The following CHMP3 variants were observed in gnomAD, a reference collection of about 807,000 sequenced individuals.
The protein encoded by CHMP3 is 25.1 protein.
Under a neutral mutation model 27.4 loss-of-function variants are expected in CHMP3, and 8 were observed. That is an observed-to-expected ratio of 0.29 (90% confidence interval 0.17 to 0.53). CHMP3 has a LOEUF of 0.53. CHMP3 is among the 20% of genes least tolerant of loss of function. CHMP3 has a pLI of 0.96. For missense variants in CHMP3, 208 were observed against 271.5 expected, an observed-to-expected ratio of 0.77 and a Z score of 1.64; for synonymous variants, 86 against 85.5, an observed-to-expected ratio of 1.01 and a Z score of -0.03.
rs922526477 is a variant in CHMP3, at chr2:86,505,706, C to T, written c.*98G>A. On this transcript the variant is annotated 3_prime_UTR_variant, in exon 6 of 6. Coordinates refer to ENST00000263856, the MANE Select transcript of CHMP3 (RefSeq NM_016079.4). ...GAAAAGAGACAAACAGAACCTTCTC[C>T]AAAATGGTAGTCCTCACAACAGAGG... The T allele has an allele frequency of 1.5e-6, 2 of 1,324,366 alleles. No homozygotes were observed. The highest frequency in any genetic ancestry group is 3.0e-4 in the Middle Eastern group (1 of 3,378). 82.0% of individuals were successfully genotyped at this position (1,324,366 alleles called of 1,614,324 possible).
intron 3 of CHMP3, among the ~76,000 whole-genome samples, chr2:86,513,740 C>A (rs1015117): frequency 0.39 from 59,422 of 152,128 alleles, 13,589 homozygotes; most frequent in East Asian, 0.75. Flanking sequence ...CGTCTGCATT[C>A]AAGATTGCCA....
At chr2:86,522,009 C>A (rs1012132328) in intron 3 of CHMP3, among the ~76,000 whole-genome samples, 1 of 152,166 alleles carries the variant, frequency 6.6e-6, no homozygotes, top group Non-Finnish European at 1.5e-5. Flanking sequence ...TGAACCTCTC[C>A]CTTAACCCTC....
chr2:86,553,381 G>T (rs1440985654), intron 1 of CHMP3, among the ~76,000 whole-genome samples: 1 of 152,058 alleles, frequency 6.6e-6, no homozygotes, highest in Non-Finnish European at 1.5e-5. Flanking sequence ...CGCCAGCCTG[G>T]AGTGCAGTGG....
intron 2 of CHMP3, among the ~76,000 whole-genome samples, chr2:86,535,219 C>T (rs1048370544): frequency 2.0e-5 from 3 of 148,008 alleles, no homozygotes; most frequent in Non-Finnish European, 3.0e-5. Context: ...CACGACGCTG[C>T]ACTCCAGCCT....
chr2:86,513,820 C>A (rs564115313), intron 3 of CHMP3, among the ~76,000 whole-genome samples: 10 of 152,328 alleles, frequency 6.6e-5, no homozygotes, highest in African/African-American at 2.4e-4. Flanking sequence ...CCAGAATCTA[C>A]AAAACCAACC....
At chr2:86,525,471 T>C (rs1016144555) in intron 3 of CHMP3, among the ~76,000 whole-genome samples, 1 of 151,130 alleles carries the variant, frequency 6.6e-6, no homozygotes, top group East Asian at 1.9e-4. Flanking sequence ...CTACTGAGGT[T>C]GCAGTGAGCC....
chr2:86,544,376 T>C (rs1217437321), intron 1 of CHMP3, among the ~76,000 whole-genome samples: 4 of 151,734 alleles, frequency 2.6e-5, no homozygotes, highest in African/African-American at 9.7e-5. Context: ...TGATCATTCT[T>C]GGGTGTTTCT....
chr2:86,529,156 C>T (rs1245718251), intron 3 of CHMP3, 62 bp downstream of exon 3: 3 of 1,425,920 alleles, frequency 2.1e-6, no homozygotes, highest in South Asian at 1.7e-5. Flanking sequence ...TCAAGGAACC[C>T]GTGTTGATAA....
intron 1 of CHMP3, among the ~76,000 whole-genome samples, chr2:86,544,920 GGGGC>G (rs1348155943): frequency 2.0e-5 from 3 of 147,792 alleles, no homozygotes; most frequent in African/African-American, 2.5e-5. Flanking sequence ...CTTCCCAGAC[GGGGC>G]AGCCGGGCAG....
chr2:86,550,089 T>C (rs370041649), intron 1 of CHMP3, among the ~76,000 whole-genome samples: 14 of 151,126 alleles, frequency 9.3e-5, no homozygotes, highest in African/African-American at 2.4e-4. Context: ...CTGGGCAACA[T>C]TGAGCATTGA....
intron 3 of CHMP3, among the ~76,000 whole-genome samples, chr2:86,518,077 T>C (rs917717254): frequency 6.6e-6 from 1 of 152,132 alleles, no homozygotes; most frequent in Non-Finnish European, 1.5e-5. Context: ...AAAAGCCAAC[T>C]TAAAACAGGC....
chr2:86,545,583 C>T (rs1293846452), intron 1 of CHMP3, among the ~76,000 whole-genome samples: 3 of 74,346 alleles, frequency 4.0e-5, no homozygotes, highest in Non-Finnish European at 5.4e-5. Flanking sequence ...CCAGACGGGG[C>T]GACTGCCGGG....
intron 2 of CHMP3, among the ~76,000 whole-genome samples, chr2:86,535,518 TTC>T (rs541573273): frequency 8.3e-4 from 126 of 152,292 alleles, no homozygotes; most frequent in East Asian, 8.1e-3. Flanking sequence ...CTGCATGAGC[TTC>T]TCTTTTTGAG....
chr2:86,549,509 T>C (rs1573297418), intron 1 of CHMP3, among the ~76,000 whole-genome samples: 1 of 134,886 alleles, frequency 7.4e-6, no homozygotes, highest in Non-Finnish European at 1.6e-5. Context: ...GAGGCGCTCC[T>C]CACTTCCCAG....
intron 1 of CHMP3, among the ~76,000 whole-genome samples, chr2:86,561,217 C>A (rs756802162): frequency 6.6e-6 from 1 of 152,150 alleles, no homozygotes; most frequent in Non-Finnish European, 1.5e-5. Flanking sequence ...AATACATAAC[C>A]TCTGGTGCTG....
intron 3 of CHMP3, among the ~76,000 whole-genome samples, chr2:86,517,409 A>G (rs1435492052): frequency 6.6e-6 from 1 of 151,958 alleles, no homozygotes; most frequent in African/African-American, 2.4e-5. Flanking sequence ...TACTAAAAAT[A>G]CAAAAAATTA....
intron 1 of CHMP3, among the ~76,000 whole-genome samples, chr2:86,547,710 A>G (rs1309036927): frequency 6.6e-6 from 1 of 152,250 alleles, no homozygotes; most frequent in Admixed American, 6.5e-5. Context: ...AGACTACTAC[A>G]ATAAAAGGAA....
intron 2 of CHMP3, among the ~76,000 whole-genome samples, chr2:86,530,125 T>G (rs533066950): frequency 1.2e-3 from 177 of 152,264 alleles, no homozygotes; most frequent in Non-Finnish European, 2.2e-3. Context: ...CCCAAGTAGC[T>G]GGGATTACAA....
rs1237935263 is a variant in CHMP3, at chr2:86,503,454, G to GT, written c.*2349dup. 6.6e-6 allele frequency: 1 copy of GT among 152,146 alleles called. No individual in the cohort carries two copies. Among genetic ancestry groups the GT allele is most frequent in the African/African-American group, 2.4e-5 (1 of 41,426 alleles). The allele number at this position is 152,146 out of a possible 1,614,324, so 9.4% of individuals were successfully genotyped here. On this transcript the variant is annotated 3_prime_UTR_variant, in exon 6 of 6. Transcript: ENST00000263856. ...ATATGATCCAGCACTGAAGCTCTTG[G>GT]TATTTATTCAAATGAATTAAAAACA...
Sources: gnomAD v4.1 joint callset for allele counts (sites outside exome capture counted in the v4.1 genomes callset) on GRCh38, gnomAD v4.1.1 for gene constraint, MANE v1.5 for transcripts, NCBI Gene and HGNC (gene_info 2026-07-23, HGNC 2026-07-21) for gene names.